Variants in FBXO8 observed in about 807,000 individuals in gnomAD.
FBXO8 encodes F-box protein 8.
FBXO8 carries 15 observed loss-of-function variants against 33.4 expected under a neutral mutation model. The ratio of observed to expected loss-of-function variants is 0.45; its 90% CI spans 0.30 to 0.69. The LOEUF (loss-of-function observed/expected upper bound fraction) is 0.69, where lower values mean the gene tolerates loss of function less well. FBXO8 is among the 30% of genes least tolerant of loss of function. The pLI is 0.08. For missense variants in FBXO8, 274 were observed against 380.3 expected (o/e 0.72, Z 2.32); for synonymous variants, 132 against 131.5 (o/e 1.00, Z -0.02).
chr4:174,238,975 T>C lies in FBXO8; in HGVS notation c.772+19A>G. 1 of 1,436,268 alleles carries C rather than the reference T, an allele frequency of 7.0e-7. No individual in the cohort carries two copies. Among genetic ancestry groups the C allele is most frequent in the Admixed American group, 2.3e-5 (1 of 43,372 alleles). 89.0% of individuals were successfully genotyped at this position (1,436,268 alleles called of 1,614,324 possible). A position where few individuals can be genotyped will look rare whatever the true frequency, so the allele number is the denominator to read the frequency against. On this transcript the variant is annotated intron_variant, in intron 5 of 5. Transcript: ENST00000393674. ...AAGATGGGCAGGGGGTGATGTACTA[T>C]TAATATATATATTCTTACCAGGACT...
intron 3 of FBXO8, among the ~76,000 whole-genome samples, chr4:174,250,312 G>C (rs1347213052): frequency 6.6e-6 from 1 of 151,972 alleles, no homozygotes; most frequent in Non-Finnish European, 1.5e-5. Context: ...AAGACATGCT[G>C]TAAACTTCCA....
Position 174,281,874 on chromosome 4 carries a change from T to A in FBXO8, c.-9+1536A>T, listed in dbSNP as rs757985359. 6.6e-6 allele frequency among the ~76,000 whole-genome samples: 1 copy of A among 152,180 alleles called. No homozygotes were observed. Among genetic ancestry groups the A allele is most frequent in the African/African-American group, 2.4e-5 (1 of 41,446 alleles). On this transcript the variant is annotated intron_variant, in intron 1 of 5. Transcript: ENST00000393674. The surrounding 1 kb of genome is among the most constrained non-coding windows in gnomAD (Gnocchi z 4.6). ...TATTTCATTTAAATTGTTTAAAAAA[T>A]TATTTAAGTAAAATAATTCAAGAAA...
At position 174,238,883 on chromosome 4, in the gene FBXO8, T is replaced by C. The variant is rs538651343; in HGVS notation, c.772+111A>G. ...CTGCTACAAACAGTAAAACAAGTAT[T>C]TGTAATTACTGAGAATATTTTTCCC... On this transcript the variant is annotated intron_variant, in intron 5 of 5. Transcript: ENST00000393674. The C allele has an allele frequency of 1.2e-5, 8 of 667,276 alleles. 1 individual carries two copies. The South Asian group carries it at 1.8e-4, about 15-fold the overall frequency. 41.3% of individuals were successfully genotyped at this position (667,276 alleles called of 1,614,324 possible).
chr4:174,246,883 G>A (rs572270325), intron 3 of FBXO8, among the ~76,000 whole-genome samples: 5 of 152,068 alleles, frequency 3.3e-5, no homozygotes, highest in Admixed American at 1.3e-4. Context: ...GGAAAAGAGA[G>A]GGCTGATTTG....
Position 174,277,415 on chromosome 4 carries a change from C to T in FBXO8, c.-9+5995G>A, listed in dbSNP as rs1404629343. On this transcript the variant is annotated intron_variant, in intron 1 of 5. Transcript: ENST00000393674. The surrounding 1 kb of genome is among the most constrained non-coding windows in gnomAD (Gnocchi z 4.9). ...GTAGTATTTATTAAGAAAAAGGTAA[C>T]TACTGCTTATAATTTCATGGCACTA... 1.3e-5 allele frequency among the ~76,000 whole-genome samples: 2 copies of T among 152,138 alleles called. No homozygotes were observed. Among genetic ancestry groups the T allele is most frequent in the Non-Finnish European group, 2.9e-5 (2 of 67,994 alleles).
rs1170256269 is a variant in FBXO8, at chr4:174,256,482, C to T, written c.456+3217G>A. On this transcript the variant is annotated intron_variant, in intron 3 of 5. Coordinates refer to ENST00000393674, the MANE Select transcript of FBXO8 (RefSeq NM_012180.3). The surrounding 1 kb of genome is among the most constrained non-coding windows in gnomAD (Gnocchi z 4.6). ...TCTAAAGTCTGGCTAAAGTATGACTCATACAGATAAGTGCTATATAAGAAC... is the reference window on the plus strand; with the variant it reads ...TCTAAAGTCTGGCTAAAGTATGACTTATACAGATAAGTGCTATATAAGAAC... Among the ~76,000 whole-genome samples the T allele has an allele frequency of 6.6e-6, 1 of 152,110 alleles. No homozygotes were observed. Among genetic ancestry groups the T allele is most frequent in the Non-Finnish European group, 1.5e-5 (1 of 68,012 alleles).
Position 174,281,556 on chromosome 4 carries a change from C to T in FBXO8, c.-9+1854G>A, listed in dbSNP as rs865804682. On this transcript the variant is annotated intron_variant, in intron 1 of 5. Transcript: ENST00000393674. The surrounding 1 kb of genome is among the most constrained non-coding windows in gnomAD (Gnocchi z 4.6). ...TAAAAGAAATAACCACACGTGATGG[C>T]GTGTGCCTGTGGTCCCAGGTACTCT... Among the ~76,000 whole-genome samples, 3 of 152,012 alleles carry T rather than the reference C, an allele frequency of 2.0e-5. No individual in the cohort carries two copies. Among genetic ancestry groups the T allele is most frequent in the Non-Finnish European group, 2.9e-5 (2 of 67,992 alleles).
rs1202790318 is a variant in FBXO8 at position 174,254,998 on chromosome 4, T to C, written c.456+4701A>G. 1.3e-5 allele frequency among the ~76,000 whole-genome samples: 2 copies of C among 152,194 alleles called. No individual in the cohort carries two copies. The highest frequency in any genetic ancestry group is 3.8e-4 in the East Asian group (2 of 5,202). ...ACACCACGTCAAACAAAATTAGATA[T>C]ATATTGCATATAACATCCCCCTTGT... On this transcript the variant is annotated intron_variant, in intron 3 of 5. Transcript: ENST00000393674. The surrounding 1 kb of genome is among the most constrained non-coding windows in gnomAD (Gnocchi z 4.2).
rs1736675889 is a variant in FBXO8 at position 174,265,636 on chromosome 4, A to G, written c.-8-2536T>C. ...AGTTCTTTACTGTATGATTCTAATTATAAGACATTCTGGAAAAGGCAAAAC... is the reference window on the plus strand; with the variant it reads ...AGTTCTTTACTGTATGATTCTAATTGTAAGACATTCTGGAAAAGGCAAAAC... On this transcript the variant is annotated intron_variant, in intron 1 of 5. Coordinates refer to ENST00000393674, the MANE Select transcript of FBXO8 (RefSeq NM_012180.3). The surrounding 1 kb of genome is among the most constrained non-coding windows in gnomAD (Gnocchi z 4.7). Among the ~76,000 whole-genome samples, 1 of 152,204 alleles carries G rather than the reference A, an allele frequency of 6.6e-6. No individual in the cohort carries two copies. Among genetic ancestry groups the G allele is most frequent in the Admixed American group, 6.5e-5 (1 of 15,284 alleles).
In FBXO8 at chr4:174,266,743, T is replaced by G. The variant is rs1170031941; in HGVS notation, c.-8-3643A>C. On this transcript the variant is annotated intron_variant, in intron 1 of 5. Transcript: ENST00000393674. ...GAAAGTTACTTGACTACTCTGAGCT[T>G]TAGTTTCTTCATGTACAATGCAAAA... 2.0e-5 allele frequency among the ~76,000 whole-genome samples: 3 copies of G among 152,158 alleles called. No homozygotes were observed. In the East Asian group the frequency reaches 5.8e-4, roughly 29 times the overall value.
intron 3 of FBXO8, among the ~76,000 whole-genome samples, chr4:174,242,946 T>C (rs1053260943): frequency 6.6e-6 from 1 of 151,644 alleles, no homozygotes; most frequent in Non-Finnish European, 1.5e-5. Context: ...TAATAGATTC[T>C]TTATTCATAC....
Position 174,252,327 on chromosome 4 carries a change from A to C in FBXO8, c.456+7372T>G, listed in dbSNP as rs1736308470. ...GAGGATTACATCTCAAACTCCTAAGAGTCTGGATAATAATAATAGCAATAA... is the reference window on the plus strand; with the variant it reads ...GAGGATTACATCTCAAACTCCTAAGCGTCTGGATAATAATAATAGCAATAA... On this transcript the variant is annotated intron_variant, in intron 3 of 5. Coordinates refer to ENST00000393674, the MANE Select transcript of FBXO8 (RefSeq NM_012180.3). This position sits in a 1 kb window ranked among gnomAD's most constrained non-coding sequence, Gnocchi z 5.1. Among the ~76,000 whole-genome samples the C allele has an allele frequency of 6.6e-6, 1 of 152,178 alleles. No individual in the cohort carries two copies. The highest frequency in any genetic ancestry group is 2.4e-5 in the African/African-American group (1 of 41,444).
chr4:174,255,764 T>C lies in FBXO8; in HGVS notation c.456+3935A>G, dbSNP rs1296335631. ...CGTCAAGAAAGTGTTTTAATATACA[T>C]TGGAGCACAAGTAATATAGTTTACT... On this transcript the variant is annotated intron_variant, in intron 3 of 5. Transcript: ENST00000393674. This position sits in a 1 kb window ranked among gnomAD's most constrained non-coding sequence, Gnocchi z 4.3. Among the ~76,000 whole-genome samples, 1 of 152,176 alleles carries C rather than the reference T, an allele frequency of 6.6e-6. No homozygotes were observed. Among genetic ancestry groups the C allele is most frequent in the East Asian group, 1.9e-4 (1 of 5,202 alleles).
In FBXO8 at chr4:174,259,839, G is replaced by A. The variant is rs201225745; in HGVS notation, c.330-14C>T. The A allele has an allele frequency of 4.6e-3, 7,188 of 1,561,730 alleles. 25 individuals are homozygous for A. Among genetic ancestry groups the A allele is most frequent in the Non-Finnish European group, 5.5e-3 (6,371 of 1,161,974 alleles). ...GATTTGCACAACCTATAAAATCAGAGAAAATGAGACAAGAAAACATTACTA... is the reference window on the plus strand; with the variant it reads ...GATTTGCACAACCTATAAAATCAGAAAAAATGAGACAAGAAAACATTACTA... On this transcript the variant is annotated splice_polypyrimidine_tract_variant and intron_variant, in intron 2 of 5. Transcript: ENST00000393674. This position sits in a 1 kb window ranked among gnomAD's most constrained non-coding sequence, Gnocchi z 4.3.
intron 3 of FBXO8, among the ~76,000 whole-genome samples, chr4:174,258,805 C>T (rs1257967593): frequency 6.6e-6 from 1 of 151,764 alleles, no homozygotes; most frequent in East Asian, 1.9e-4. Context: ...ATAGGAGAAA[C>T]ATTTCCCTAA....
chr4:174,261,109 T>C lies in FBXO8; in HGVS notation c.330-1284A>G, dbSNP rs1560871576. Reference sequence around the variant, plus strand: ...TTACCCACCAAATGAAATCACTGACTCAAAACTGTAAGTATAAAAAATTGT... The same window carrying C: ...TTACCCACCAAATGAAATCACTGACCCAAAACTGTAAGTATAAAAAATTGT... On this transcript the variant is annotated intron_variant, in intron 2 of 5. Transcript: ENST00000393674. The surrounding 1 kb of genome is among the most constrained non-coding windows in gnomAD (Gnocchi z 4.1). Among the ~76,000 whole-genome samples the C allele has an allele frequency of 6.6e-6, 1 of 151,956 alleles. No homozygotes were observed. Among genetic ancestry groups the C allele is most frequent in the Non-Finnish European group, 1.5e-5 (1 of 67,848 alleles).
At position 174,262,989 on chromosome 4, in the gene FBXO8, G is replaced by T. The variant is rs529394252; in HGVS notation, c.104C>A (p.Ala35Glu). 1 of 1,613,980 alleles carries T rather than the reference G, an allele frequency of 6.2e-7. No homozygotes were observed. The highest frequency in any genetic ancestry group is 8.5e-7 in the Non-Finnish European group (1 of 1,179,912). Residue 35 changes from alanine (A) to glutamate (E), a missense_variant, in exon 2 of 6, where the codon GCG becomes GAG. By Grantham distance (107) the Ala-to-Glu change is moderately radical (BLOSUM62 -1). Around this residue, in one of 2 missense-constraint regions of FBXO8, gnomAD observed 88 missense variants for 86.9 expected, o/e 1.01. Coordinates refer to ENST00000393674, the MANE Select transcript of FBXO8 (RefSeq NM_012180.3). This position sits in a 1 kb window ranked among gnomAD's most constrained non-coding sequence, Gnocchi z 4.6. ...ATGATTGGTGTTAGAAATGTTGCTC[G>T]CAGCCATTCTCCTGCTCTGCTCTCT... ...LTREQSRRMA[A>E]SNISNTNHRK...
At chr4:174,248,187 A>G (rs918156098) in intron 3 of FBXO8, among the ~76,000 whole-genome samples, 3 of 152,008 alleles carry the variant, frequency 2.0e-5, no homozygotes, top group Non-Finnish European at 4.4e-5. Context: ...GTAATTTTCC[A>G]TGACCTTCTA....
intron 1 of FBXO8, among the ~76,000 whole-genome samples, chr4:174,276,931 T>C (rs1207855210): frequency 1.3e-5 from 2 of 152,218 alleles, no homozygotes; most frequent in African/African-American, 4.8e-5. Context: ...AGGGTGGCTA[T>C]GAGCCTTAAC....
Sources: gnomAD v4.1 joint callset for allele counts (sites outside exome capture counted in the v4.1 genomes callset) on GRCh38, gnomAD v4.1.1 for gene constraint, gnomAD v4.1.1 regional missense constraint, Gnocchi (gnomAD v3.1) non-coding constraint, MANE v1.5 for transcripts, NCBI Gene and HGNC (gene_info 2026-07-23, HGNC 2026-07-21) for gene names.